ERCC6L2: variants seen among roughly 807,000 people sequenced by gnomAD.
ERCC6L2 encodes the protein ERCC excision repair 6 like 2.
Under a neutral mutation model 132.0 loss-of-function variants are expected in ERCC6L2, and 77 were observed. The observed-to-expected ratio is 0.58, with a 90% confidence interval of 0.49 to 0.71. The LOEUF (loss-of-function observed/expected upper bound fraction) is 0.71. ERCC6L2 is among the 30% of genes least tolerant of loss of function. ERCC6L2 has a pLI of 0.00. For missense variants in ERCC6L2, 1,542 were observed against 1,837.6 expected, an observed-to-expected ratio of 0.84 and a Z score of 2.94; for synonymous variants, 583 against 632.4, an observed-to-expected ratio of 0.92 and a Z score of 1.17.
At chr9:96,035,783 G>C (rs1834512006) in intron 19 of ERCC6L2, among the ~76,000 whole-genome samples, 1 of 152,196 alleles carries the variant, frequency 6.6e-6, no homozygotes, top group African/African-American at 2.4e-5. Context: ...ATAGGCAACA[G>C]GTTAAGCTTG....
downstream of ERCC6L2, chr9:96,020,975 G>A (rs1318217024): frequency 4.4e-6 from 2 of 456,498 alleles, no homozygotes; most frequent in Non-Finnish European, 8.8e-6. Flanking sequence ...AGGGAACGGC[G>A]CACCGGGCCC....
intron 11 of ERCC6L2, among the ~76,000 whole-genome samples, chr9:95,930,047 A>G (rs779320212): frequency 6.6e-6 from 1 of 152,112 alleles, no homozygotes; most frequent in Non-Finnish European, 1.5e-5. Flanking sequence ...ATCTTTTTGG[A>G]TGGCATTTTT....
intron 19 of ERCC6L2, among the ~76,000 whole-genome samples, chr9:96,026,242 T>C (rs866675129): frequency 3.9e-5 from 6 of 152,310 alleles, no homozygotes; most frequent in Middle Eastern, 3.4e-3. Context: ...CGGGGGGTTA[T>C]TGGGGCTCTG....
At chr9:95,974,783 G>T (rs185561817) in intron 16 of ERCC6L2, among the ~76,000 whole-genome samples, 1 of 151,520 alleles carries the variant, frequency 6.6e-6, no homozygotes, top group African/African-American at 2.4e-5. Context: ...GTATGTATAC[G>T]TATATTTGTG....
intron 16 of ERCC6L2, among the ~76,000 whole-genome samples, chr9:95,973,867 A>G (rs999899640): frequency 1.3e-5 from 2 of 152,136 alleles, no homozygotes; most frequent in African/African-American, 4.8e-5. Flanking sequence ...TTGCCTTACA[A>G]TGTAACTATG....
chr9:96,010,093 C>G (rs1833979364), intron 18 of ERCC6L2, among the ~76,000 whole-genome samples: 1 of 152,176 alleles, frequency 6.6e-6, no homozygotes, highest in Non-Finnish European at 1.5e-5. Context: ...GAAGTGAAAA[C>G]TGGAACCTCT....
At chr9:95,962,725 G>C (rs988378926) in intron 13 of ERCC6L2, among the ~76,000 whole-genome samples, 1 of 152,188 alleles carries the variant, frequency 6.6e-6, no homozygotes, top group African/African-American at 2.4e-5. Flanking sequence ...GTGCTAAAAT[G>C]ATACCTATTT....
At chr9:95,953,586 A>C (rs1180127277) in intron 12 of ERCC6L2, among the ~76,000 whole-genome samples, 2 of 151,908 alleles carry the variant, frequency 1.3e-5, no homozygotes, top group African/African-American at 2.4e-5. Context: ...AAAAAAAAAA[A>C]AAACAATGAA....
At chr9:95,943,839 A>G (rs1218587256) in intron 12 of ERCC6L2, among the ~76,000 whole-genome samples, 1 of 152,236 alleles carries the variant, frequency 6.6e-6, no homozygotes, top group East Asian at 1.9e-4. Flanking sequence ...TATTGTAAAA[A>G]TAAAAGCAAC....
intron 4 of ERCC6L2, among the ~76,000 whole-genome samples, chr9:95,914,461 C>G (rs1329832287): frequency 4.6e-5 from 7 of 152,202 alleles, no homozygotes; most frequent in Admixed American, 4.6e-4. Flanking sequence ...TCAAGTGATT[C>G]TCCTGCCTCA....
At chr9:95,981,250 A>G (rs1832881715) in intron 17 of ERCC6L2, among the ~76,000 whole-genome samples, 2 of 152,314 alleles carry the variant, frequency 1.3e-5, no homozygotes, top group African/African-American at 4.8e-5. Context: ...GGTCTTTCAG[A>G]GTTTTTCCAT....
At position 95,923,266 on chromosome 9, in the gene ERCC6L2, C is replaced by T. The variant is rs759793183; in HGVS notation, c.1420C>T (p.Leu474Phe). The T allele has an allele frequency of 1.9e-6, 3 of 1,613,118 alleles. No individual in the cohort carries two copies. Among genetic ancestry groups the T allele is most frequent in the East Asian group, 2.2e-5 (1 of 44,828 alleles). ...TCTGCCTTTTCCCTTCAAGGAAACA[C>T]TTATCAAAAGGATATGTGATCAGGT... Reference protein sequence around the residue: ...AASTSKQQETLIKRICDQVFS... With the variant: ...AASTSKQQETFIKRICDQVFS... Residue 474 changes from leucine to phenylalanine, a missense_variant, in exon 9 of 19, where the codon CTT (leucine) becomes TTT (phenylalanine). Transcript: ENST00000653738.
At chr9:95,914,596 C>T (rs1829493578) in intron 4 of ERCC6L2, among the ~76,000 whole-genome samples, 1 of 152,170 alleles carries the variant, frequency 6.6e-6, no homozygotes, top group Non-Finnish European at 1.5e-5. Context: ...TCGTGATCCA[C>T]CCGCCTCAGC....
intron 18 of ERCC6L2, among the ~76,000 whole-genome samples, chr9:96,009,026 TTC>T (rs1341403421): frequency 5.9e-5 from 9 of 152,352 alleles, no homozygotes; most frequent in Middle Eastern, 3.4e-3. Flanking sequence ...TATTTTGCCT[TTC>T]TCTCCAACAA....
chr9:95,906,289 T>C (rs944554506), intron 3 of ERCC6L2, among the ~76,000 whole-genome samples: 5 of 152,264 alleles, frequency 3.3e-5, no homozygotes, highest in African/African-American at 1.2e-4. Flanking sequence ...GTTTTTCGGA[T>C]TTTTTTAACC....
chr9:96,015,194 T>C lies in ERCC6L2; in HGVS notation c.*1991T>C, dbSNP rs1316983630. ...TACCACCACACTCAGCTAAACATTT[T>C]TTTTTTTTTTTGAGACGGAGTCTCA... On this transcript the variant is annotated 3_prime_UTR_variant, in exon 19 of 19. Transcript: ENST00000653738. Among the ~76,000 whole-genome samples, 1 of 150,578 alleles carries C rather than the reference T, an allele frequency of 6.6e-6. No individual in the cohort carries two copies. Among genetic ancestry groups the C allele is most frequent in the Non-Finnish European group, 1.5e-5 (1 of 67,480 alleles).
chr9:96,035,940 T>C (rs1428695138), intron 19 of ERCC6L2, among the ~76,000 whole-genome samples: 1 of 152,212 alleles, frequency 6.6e-6, no homozygotes, highest in African/African-American at 2.4e-5. Context: ...GGACTCCTTT[T>C]GCTTCTAATC....
Position 96,003,063 on chromosome 9 carries a change from C to T in ERCC6L2, c.3493-1457C>T, listed in dbSNP as rs183451276. Among the ~76,000 whole-genome samples the T allele has an allele frequency of 1.4e-3, 206 of 152,238 alleles. 1 individual carries two copies. Among genetic ancestry groups the T allele is most frequent in the Non-Finnish European group, 1.3e-3 (90 of 68,024 alleles). ...GCAGTGAGCTGTGATCATGCCACTG[C>T]GCTCCAGCCTGGGTGACAAAGTGAG... On this transcript the variant is annotated intron_variant, in intron 17 of 18. Transcript: ENST00000653738.
At chr9:95,966,748 T>C (rs1832180855) in intron 14 of ERCC6L2, 34 bp downstream of exon 14, 2 of 1,370,310 alleles carry the variant, frequency 1.5e-6, no homozygotes. Context: ...TTCAATAATA[T>C]TTTAAATACA....
Sources: allele counts gnomAD v4.1 joint callset (sites outside exome capture counted in the v4.1 genomes callset), GRCh38; gene constraint gnomAD v4.1.1; transcripts MANE v1.5; gene names NCBI Gene and HGNC (gene_info 2026-07-23, HGNC 2026-07-21).